PRKG1: variants seen among roughly 807,000 people sequenced by gnomAD.
The protein encoded by PRKG1 is cGMP-dependent protein kinase 1.
A neutral mutation model predicts 88.1 loss-of-function variants in PRKG1; 35 were observed. That is an observed-to-expected ratio of 0.40 (90% CI 0.30 to 0.53). The LOEUF (loss-of-function observed/expected upper bound fraction) is 0.53. Ranked by LOEUF, PRKG1 falls within the 20% of genes least tolerant of loss-of-function variation. The pLI is 0.59. For missense variants in PRKG1, 540 were observed against 839.8 expected (o/e 0.64, Z 4.41); for synonymous variants, 303 against 292.5 (o/e 1.04, Z -0.37).
chr10:51,386,976 A>T (rs975749031), intron 2 of PRKG1, among the ~76,000 whole-genome samples: 1 of 152,240 alleles, frequency 6.6e-6, no homozygotes, highest in Non-Finnish European at 1.5e-5. Context: ...GTAATCATAA[A>T]GAGGAGTGTC....
At chr10:52,204,998 A>G (rs1239021720) in intron 9 of PRKG1, among the ~76,000 whole-genome samples, 1 of 152,138 alleles carries the variant, frequency 6.6e-6, no homozygotes, top group Non-Finnish European at 1.5e-5. Flanking sequence ...ATGCATTCCC[A>G]GGGCAGGGCT....
At chr10:51,047,603 T>C (rs1207909354) in intron 1 of PRKG1, among the ~76,000 whole-genome samples, 1 of 141,066 alleles carries the variant, frequency 7.1e-6, no homozygotes, top group Non-Finnish European at 1.5e-5. Flanking sequence ...CAAAACCATA[T>C]CTGTTATTAT....
chr10:52,244,338 G>C (rs2132385071), intron 9 of PRKG1, among the ~76,000 whole-genome samples: 1 of 152,072 alleles, frequency 6.6e-6, no homozygotes, highest in African/African-American at 2.4e-5. Flanking sequence ...GAAGTCAAAA[G>C]ATTCTGCCTT....
At position 51,462,909 on chromosome 10, in the gene PRKG1, A is replaced by T. The variant is rs974238670; in HGVS notation, c.479-4814A>T. Among the ~76,000 whole-genome samples the T allele has an allele frequency of 2.1e-4, 32 of 152,172 alleles. 2 individuals carry two copies. The highest frequency in any genetic ancestry group is 1.9e-3 in the Admixed American group (29 of 15,284). ...ACGATGAAAATTATACCAATCTAGT[A>T]ATATATTTTTAAAAGTAAATATAAA... On this transcript the variant is annotated intron_variant, in intron 2 of 17. Coordinates refer to ENST00000373980, the MANE Select transcript of PRKG1 (RefSeq NM_006258.4).
chr10:52,148,957 CTTTTTTTTTTTTT>C (rs71904885), intron 8 of PRKG1, among the ~76,000 whole-genome samples: 1 of 55,166 alleles, frequency 1.8e-5, no homozygotes, highest in African/African-American at 7.5e-5. Flanking sequence ...GATAGTTTTG[CTTTTTTTTTTTTT>C]TTTTTTTTTT....
intron 3 of PRKG1, among the ~76,000 whole-genome samples, chr10:51,553,208 G>C (rs1231134764): frequency 1.3e-5 from 2 of 151,570 alleles, no homozygotes; most frequent in African/African-American, 4.8e-5. Context: ...CTTTTTAAGA[G>C]GTACAGGAAG....
At chr10:52,127,074 G>A (rs1052474209) in intron 7 of PRKG1, among the ~76,000 whole-genome samples, 5 of 152,098 alleles carry the variant, frequency 3.3e-5, no homozygotes, top group Non-Finnish European at 5.9e-5. Flanking sequence ...GTGCAGGGCA[G>A]AGATAGTGGT....
At chr10:51,794,253 T>C (rs1368018437) in intron 3 of PRKG1, among the ~76,000 whole-genome samples, 3 of 152,082 alleles carry the variant, frequency 2.0e-5, no homozygotes, top group Admixed American at 6.6e-5. Context: ...AGGATAATAG[T>C]AGAAGACAGA....
chr10:52,287,908 T>C (rs189195198), intron 14 of PRKG1, among the ~76,000 whole-genome samples: 1 of 151,980 alleles, frequency 6.6e-6, no homozygotes. Context: ...CAAACTCTAC[T>C]CAACTCTGGG....
chr10:51,463,234 A>G (rs1172650321), intron 2 of PRKG1, among the ~76,000 whole-genome samples: 3 of 152,216 alleles, frequency 2.0e-5, no homozygotes, highest in Non-Finnish European at 4.4e-5. Flanking sequence ...ACATTAATCA[A>G]TGAAGACCAT....
intron 9 of PRKG1, among the ~76,000 whole-genome samples, chr10:52,204,602 T>C (rs960059425): frequency 6.6e-6 from 1 of 152,222 alleles, no homozygotes; most frequent in Non-Finnish European, 1.5e-5. Context: ...GAAGATTTCA[T>C]GGACATTTAT....
intron 1 of PRKG1, among the ~76,000 whole-genome samples, chr10:51,001,691 G>A (rs1051590388): frequency 2.6e-5 from 4 of 151,994 alleles, no homozygotes; most frequent in Non-Finnish European, 4.4e-5. Context: ...GAATCCTTAA[G>A]GTTTGAGTAG....
chr10:51,726,962 T>A (rs10740328), intron 3 of PRKG1, among the ~76,000 whole-genome samples: 91,219 of 151,348 alleles, frequency 0.6, 28,469 homozygotes, highest in African/African-American at 0.73. Flanking sequence ...TGTATTTTTA[T>A]TAGAGACAGG....
At chr10:51,142,559 A>G (rs1406477826) in intron 1 of PRKG1, among the ~76,000 whole-genome samples, 2 of 152,106 alleles carry the variant, frequency 1.3e-5, no homozygotes, top group African/African-American at 4.8e-5. Context: ...ATTATGAATG[A>G]ATGAATATGA....
chr10:52,173,847 G>T (rs1838780200), intron 9 of PRKG1, among the ~76,000 whole-genome samples: 2 of 152,230 alleles, frequency 1.3e-5, no homozygotes, highest in South Asian at 4.1e-4. Context: ...CTTGAAAAGA[G>T]GATAAGGCAG....
chr10:51,013,664 ACAGGTGTGAGC>A (rs1843021370), intron 1 of PRKG1, among the ~76,000 whole-genome samples: 1 of 152,192 alleles, frequency 6.6e-6, no homozygotes, highest in Non-Finnish European at 1.5e-5. Flanking sequence ...TGCTGGGATT[ACAGGTGTGAGC>A]CACTGCGCCC....
At chr10:51,825,203 T>A (rs1353785785) in intron 4 of PRKG1, among the ~76,000 whole-genome samples, 3 of 152,156 alleles carry the variant, frequency 2.0e-5, no homozygotes, top group Admixed American at 6.6e-5. Flanking sequence ...AGTATACATG[T>A]ACATTTTCTG....
At chr10:51,427,400 G>C (rs1838621199) in intron 2 of PRKG1, among the ~76,000 whole-genome samples, 1 of 152,314 alleles carries the variant, frequency 6.6e-6, no homozygotes, top group South Asian at 2.1e-4. Context: ...TTCTTACCTT[G>C]ATCAGCAAAG....
intron 5 of PRKG1, among the ~76,000 whole-genome samples, chr10:52,043,201 A>G (rs2133233753): frequency 6.6e-6 from 1 of 152,278 alleles, no homozygotes; most frequent in Middle Eastern, 3.4e-3. Flanking sequence ...CCTATGATTC[A>G]GTAAATTCAC....
Sources: allele counts gnomAD v4.1 joint callset (sites outside exome capture counted in the v4.1 genomes callset), GRCh38; gene constraint gnomAD v4.1.1; transcripts MANE v1.5; gene names NCBI Gene and HGNC (gene_info 2026-07-23, HGNC 2026-07-21).